Variants in PCDH15 observed in about 807,000 individuals in gnomAD.
The protein encoded by PCDH15 is protocadherin-15.
A neutral mutation model predicts 178.5 loss-of-function variants in PCDH15; 129 were observed. The observed-to-expected ratio is 0.72, with a 90% CI of 0.63 to 0.84. The LOEUF (loss-of-function observed/expected upper bound fraction) is 0.84, where lower values mean the gene tolerates loss of function less well. Ranked by LOEUF, PCDH15 falls within the 40% of genes least tolerant of loss-of-function variation. The pLI is 0.00. For missense variants in PCDH15, 2,230 were observed against 2,099.9 expected, an observed-to-expected ratio of 1.06 and a Z score of -1.21; for synonymous variants, 800 against 732.0, an observed-to-expected ratio of 1.09 and a Z score of -1.50.
Position 55,168,767 on chromosome 10 carries a change from T to C in PCDH15, c.-155-2116A>G, listed in dbSNP as rs1839258966. 5.9e-5 allele frequency among the ~76,000 whole-genome samples: 9 copies of C among 152,300 alleles called. No individual in the cohort carries two copies. In the South Asian group the frequency reaches 1.9e-3, roughly 32 times the overall value. ...GATTATCTTTTATGTGTACAGTATA[T>C]GTAATTATGATTATATAAGAATTAA... On this transcript the variant is annotated intron_variant, in intron 1 of 5. Transcript: ENST00000458638.
chr10:54,739,698 A>G (rs983318132), intron 1 of PCDH15, among the ~76,000 whole-genome samples: 6 of 152,026 alleles, frequency 3.9e-5, no homozygotes, highest in Non-Finnish European at 7.4e-5. Context: ...ACATAAGCCA[A>G]TGTAACAGAA....
At chr10:55,527,677 T>G (rs1421117122) in intron 2 of PCDH15, among the ~76,000 whole-genome samples, 1 of 151,876 alleles carries the variant, frequency 6.6e-6, no homozygotes, top group African/African-American at 2.4e-5. Flanking sequence ...AAATTTAATA[T>G]TAAATCAAAA....
intron 13 of PCDH15, among the ~76,000 whole-genome samples, chr10:54,156,792 C>T (rs1031585448): frequency 6.6e-6 from 1 of 152,224 alleles, no homozygotes; most frequent in Non-Finnish European, 1.5e-5. Context: ...AAGTTAGTTA[C>T]TTCCTACATA....
chr10:55,396,241 A>T (rs962438959), intron 2 of PCDH15, among the ~76,000 whole-genome samples: 1 of 152,166 alleles, frequency 6.6e-6, no homozygotes, highest in Non-Finnish European at 1.5e-5. Flanking sequence ...CACTTTAGAA[A>T]CATCACTCTG....
intron 18 of PCDH15, among the ~76,000 whole-genome samples, chr10:54,045,734 A>G (rs777730690): frequency 5.9e-5 from 9 of 152,282 alleles, no homozygotes; most frequent in Admixed American, 3.3e-4. Context: ...ACGAATAACA[A>G]GACAATAAAT....
chr10:55,013,493 C>A (rs1415935577), intron 2 of PCDH15, among the ~76,000 whole-genome samples: 2 of 136,748 alleles, frequency 1.5e-5, no homozygotes, highest in East Asian at 5.8e-4. Flanking sequence ...CACATCAGGG[C>A]ATCTGCCTTT....
chr10:54,770,528 C>T (rs140198791), intron 1 of PCDH15, among the ~76,000 whole-genome samples: 1,885 of 152,120 alleles, frequency 0.012, 22 homozygotes, highest in South Asian at 0.047. Context: ...TTTAGTTCAA[C>T]GATACCTGAA....
upstream of PCDH15, among the ~76,000 whole-genome samples, chr10:54,801,993 A>G (rs1181844560): frequency 6.6e-6 from 1 of 152,224 alleles, no homozygotes; most frequent in Non-Finnish European, 1.5e-5. Context: ...ATTCCATATT[A>G]AATTTCACCC....
rs1009342879 is a variant in PCDH15 at position 54,633,050 on chromosome 10, A to G, written c.91+31122T>C. 2.6e-4 allele frequency among the ~76,000 whole-genome samples: 40 copies of G among 152,170 alleles called. 1 individual carries two copies. The highest frequency in any genetic ancestry group is 2.6e-3 in the Admixed American group (40 of 15,256). ...ACTAAAGAGAATTCCAGTTTAGCAGATTAAAGCTGAAGTCTTGACTCAAAT... is the reference window on the plus strand; with the variant it reads ...ACTAAAGAGAATTCCAGTTTAGCAGGTTAAAGCTGAAGTCTTGACTCAAAT... On this transcript the variant is annotated intron_variant, in intron 2 of 37. Coordinates refer to ENST00000644397, the MANE Select transcript of PCDH15 (RefSeq NM_001384140.1).
chr10:54,702,496 C>T (rs1245861448), intron 1 of PCDH15, among the ~76,000 whole-genome samples: 1 of 126,212 alleles, frequency 7.9e-6, no homozygotes, highest in Non-Finnish European at 1.7e-5. Flanking sequence ...TGAATATCCA[C>T]AATCAGAAAT....
intron 3 of PCDH15, among the ~76,000 whole-genome samples, chr10:54,421,950 T>A (rs867165475): frequency 4.3e-4 from 39 of 89,900 alleles, no homozygotes; most frequent in African/African-American, 1.3e-3. Flanking sequence ...TATATAAAAA[T>A]ATATATATAT....
chr10:53,973,996 T>A (rs889760487), intron 21 of PCDH15, among the ~76,000 whole-genome samples: 1 of 76,254 alleles, frequency 1.3e-5, no homozygotes, highest in Non-Finnish European at 2.9e-5. Flanking sequence ...TAATGACAAT[T>A]TTATATTTGT....
At chr10:55,086,795 A>G (rs1167542931) in intron 2 of PCDH15, among the ~76,000 whole-genome samples, 1 of 152,056 alleles carries the variant, frequency 6.6e-6, no homozygotes, top group Non-Finnish European at 1.5e-5. Flanking sequence ...TAAATATTAT[A>G]AATAAGTAAA....
At chr10:54,645,304 C>T (rs1453226591) in intron 2 of PCDH15, among the ~76,000 whole-genome samples, 1 of 151,712 alleles carries the variant, frequency 6.6e-6, no homozygotes, top group Non-Finnish European at 1.5e-5. Flanking sequence ...AGTTTAGCAA[C>T]TGCTGAGAGA....
chr10:54,506,372 A>C (rs914304250), intron 3 of PCDH15, among the ~76,000 whole-genome samples: 7 of 152,104 alleles, frequency 4.6e-5, no homozygotes, highest in Admixed American at 6.6e-5. Flanking sequence ...AGGACTAAAA[A>C]ATATGATTAA....
At chr10:54,013,617 A>G (rs2660145) in intron 20 of PCDH15, among the ~76,000 whole-genome samples, 7,392 of 152,230 alleles carry the variant, frequency 0.049, 589 homozygotes, top group African/African-American at 0.17. Flanking sequence ...ATTCAAAACC[A>G]TACAATTACA....
At chr10:54,539,420 A>G (rs867360678) in intron 2 of PCDH15, among the ~76,000 whole-genome samples, 2 of 152,212 alleles carry the variant, frequency 1.3e-5, no homozygotes, top group African/African-American at 4.8e-5. Context: ...CAATTCAAAG[A>G]CAAGACTTAG....
At chr10:54,192,053 G>A (rs1473029910) in intron 11 of PCDH15, among the ~76,000 whole-genome samples, 2 of 148,366 alleles carry the variant, frequency 1.3e-5, no homozygotes, top group African/African-American at 5.0e-5. Flanking sequence ...AGGAAGGCAG[G>A]AAGGCAGGCA....
Position 54,194,610 on chromosome 10 carries a change from A to ATGTGTG in PCDH15, c.1305+1067_1305+1072dup, listed in dbSNP as rs33956261. On this transcript the variant is annotated intron_variant, in intron 11 of 37. Coordinates refer to ENST00000644397, the MANE Select transcript of PCDH15 (RefSeq NM_001384140.1). ...TGTATTTACTTGCTGTTTTATATAT[A>ATGTGTG]TGTGTGTGTGTGTGTGTGTATGTAT... 9.9e-3 allele frequency among the ~76,000 whole-genome samples: 1,491 copies of ATGTGTG among 150,810 alleles called. 20 individuals are homozygous for ATGTGTG. Among genetic ancestry groups the ATGTGTG allele is most frequent in the African/African-American group, 0.033 (1,373 of 41,010 alleles).
Sources: gnomAD v4.1 joint callset for allele counts (sites outside exome capture counted in the v4.1 genomes callset) on GRCh38, gnomAD v4.1.1 for gene constraint, MANE v1.5 for transcripts, NCBI Gene and HGNC (gene_info 2026-07-23, HGNC 2026-07-21) for gene names.